CEP170: variants seen among roughly 807,000 people sequenced by gnomAD.
CEP170 encodes centrosomal protein 170.
Under a neutral mutation model 151.9 loss-of-function variants are expected in CEP170, and 21 were observed. The observed-to-expected ratio is 0.14, with a 90% CI of 0.10 to 0.20. CEP170 has a LOEUF of 0.20. CEP170 is among the 10% of genes least tolerant of loss of function. CEP170 has a pLI of 1.00. For synonymous variants in CEP170, 356 were observed against 648.8 expected, an observed-to-expected ratio of 0.55 and a Z score of 6.86; for missense variants, 964 against 1,892.9, an observed-to-expected ratio of 0.51 and a Z score of 9.11.
chr1:243,233,698 A>C (rs2063977106), intron 1 of CEP170, among the ~76,000 whole-genome samples: 1 of 145,218 alleles, frequency 6.9e-6, no homozygotes, highest in Non-Finnish European at 1.5e-5. Flanking sequence ...ACGCCACTGT[A>C]CTCCAGACTG....
chr1:243,212,494 T>C (rs1019047746), intron 3 of CEP170, among the ~76,000 whole-genome samples: 2 of 152,212 alleles, frequency 1.3e-5, no homozygotes, highest in African/African-American at 2.4e-5. Context: ...ACATACATTA[T>C]AAGGTTTCAG....
chr1:243,248,879 CCA>C (rs1289017499), intron 1 of CEP170, among the ~76,000 whole-genome samples: 3 of 152,178 alleles, frequency 2.0e-5, no homozygotes, highest in Non-Finnish European at 2.9e-5. Context: ...TCACCTTCAG[CCA>C]CAGTGTTCTC....
At chr1:243,250,196 A>G (rs2065813456) in intron 1 of CEP170, among the ~76,000 whole-genome samples, 1 of 152,214 alleles carries the variant, frequency 6.6e-6, no homozygotes, top group Non-Finnish European at 1.5e-5. Context: ...TGTAACATTC[A>G]TTCTATTTAT....
At chr1:243,194,008 AC>A (rs1164880197) in intron 7 of CEP170, among the ~76,000 whole-genome samples, 2 of 152,008 alleles carry the variant, frequency 1.3e-5, no homozygotes, top group Admixed American at 1.3e-4. Flanking sequence ...CCAAAACCCA[AC>A]TCTAAAAAAC....
At chr1:243,130,944 A>C (rs1242969979) in intron 17 of CEP170, among the ~76,000 whole-genome samples, 2 of 152,076 alleles carry the variant, frequency 1.3e-5, no homozygotes, top group Non-Finnish European at 2.9e-5. Flanking sequence ...GGACTGATGG[A>C]AAATAAGGAA....
chr1:243,180,586 CTCTA>C (rs1478128007), intron 10 of CEP170, among the ~76,000 whole-genome samples: 2 of 152,230 alleles, frequency 1.3e-5, no homozygotes, highest in African/African-American at 4.8e-5. Flanking sequence ...ACATCTAATT[CTCTA>C]TCTGAGTGGA....
intron 1 of CEP170, among the ~76,000 whole-genome samples, chr1:243,232,313 G>C (rs2063835620): frequency 6.6e-6 from 1 of 152,020 alleles, no homozygotes; most frequent in Admixed American, 6.6e-5. Flanking sequence ...AAGCAGACTA[G>C]ACATAATACA....
At chr1:243,209,798 G>A (rs1174211966) in intron 4 of CEP170, among the ~76,000 whole-genome samples, 2 of 151,900 alleles carry the variant, frequency 1.3e-5, no homozygotes, top group Non-Finnish European at 2.9e-5. Context: ...TCCTACTGAG[G>A]TGGGAGGTAG....
chr1:243,241,053 GT>G (rs937509461), intron 1 of CEP170, among the ~76,000 whole-genome samples: 13 of 152,276 alleles, frequency 8.5e-5, no homozygotes, highest in African/African-American at 3.1e-4. Flanking sequence ...TGAAAACAAA[GT>G]TCAAAGTTTT....
chr1:243,238,172 C>T (rs550856695), intron 1 of CEP170, among the ~76,000 whole-genome samples: 15 of 152,066 alleles, frequency 9.9e-5, no homozygotes, highest in African/African-American at 2.7e-4. Context: ...GGGAGGGAAT[C>T]GCTAGGCACA....
intron 13 of CEP170, 87 bp from the exon 14 acceptor site, chr1:243,156,542 A>T: frequency 1.5e-6 from 2 of 1,290,646 alleles, no homozygotes; most frequent in Non-Finnish European, 2.1e-6. Flanking sequence ...AAACACCATG[A>T]GAGCGCACAC....
At chr1:243,161,378 C>A (rs2058055091) in intron 13 of CEP170, among the ~76,000 whole-genome samples, 1 of 151,536 alleles carries the variant, frequency 6.6e-6, no homozygotes, top group Non-Finnish European at 1.5e-5. Context: ...AAGCAAATTG[C>A]AAATTACATC....
At chr1:243,206,130 C>G (rs1170656879) in intron 4 of CEP170, among the ~76,000 whole-genome samples, 4 of 152,132 alleles carry the variant, frequency 2.6e-5, no homozygotes, top group Admixed American at 2.6e-4. Flanking sequence ...CTATCCCCAG[C>G]AACAGTAACT....
chr1:243,243,767 C>A (rs1442724267), intron 1 of CEP170, among the ~76,000 whole-genome samples: 1 of 151,974 alleles, frequency 6.6e-6, no homozygotes, highest in Non-Finnish European at 1.5e-5. Context: ...ACCTTGTGAT[C>A]CGCCTACCTC....
rs141658410 is a variant in CEP170 at position 243,230,421 on chromosome 1, T to C, written c.-41-5100A>G. Among the ~76,000 whole-genome samples the C allele has an allele frequency of 1.1e-4, 17 of 152,276 alleles. No homozygotes were observed. The East Asian group carries it at 2.9e-3, about 26-fold the overall frequency. ...ACAGAAACTCTCCCGTTAAAGCCCATTGTAGTTATTAGTTGAAGGTGTTAA... is the reference window on the plus strand; with the variant it reads ...ACAGAAACTCTCCCGTTAAAGCCCACTGTAGTTATTAGTTGAAGGTGTTAA... On this transcript the variant is annotated intron_variant, in intron 1 of 19. Coordinates refer to ENST00000366542, the MANE Select transcript of CEP170 (RefSeq NM_014812.3).
chr1:243,133,448 C>T (rs188610980), intron 17 of CEP170, among the ~76,000 whole-genome samples: 17 of 152,108 alleles, frequency 1.1e-4, no homozygotes, highest in Admixed American at 5.2e-4. Flanking sequence ...TTCCATAATG[C>T]CCCAGCTTTA....
intron 4 of CEP170, among the ~76,000 whole-genome samples, chr1:243,207,280 CTTA>C (rs2061487230): frequency 6.6e-6 from 1 of 152,096 alleles, no homozygotes; most frequent in Admixed American, 6.6e-5. Context: ...AGCAAAGAAT[CTTA>C]TTATGGATAA....
chr1:243,131,956 G>A (rs191824915), intron 17 of CEP170, among the ~76,000 whole-genome samples: 23 of 152,310 alleles, frequency 1.5e-4, no homozygotes, highest in Admixed American at 1.2e-3. Flanking sequence ...TAAAACATGC[G>A]AACGCGGAGT....
At chr1:243,157,690 T>C (rs1445845406) in intron 13 of CEP170, among the ~76,000 whole-genome samples, 2 of 152,234 alleles carry the variant, frequency 1.3e-5, no homozygotes, top group Admixed American at 1.3e-4. Context: ...ATGCCTTTTA[T>C]GTCTTTTCCT....
Sources: allele counts gnomAD v4.1 joint callset (sites outside exome capture counted in the v4.1 genomes callset), GRCh38; gene constraint gnomAD v4.1.1; transcripts MANE v1.5; gene names NCBI Gene and HGNC (gene_info 2026-07-23, HGNC 2026-07-21).